Variants in ASAP1 observed in about 807,000 individuals in gnomAD.
ASAP1 encodes the protein arf-GAP with SH3 domain, ANK repeat and PH domain-containing protein 1.
In ASAP1, 43 loss-of-function variants were observed where a neutral mutation model predicts 145.2. That is an observed-to-expected ratio of 0.30 (90% CI 0.23 to 0.38). The LOEUF (loss-of-function observed/expected upper bound fraction) is 0.38. Among genes scored for constraint, ASAP1 ranks in the 10% least tolerant of loss-of-function variants. ASAP1 has a pLI of 1.00. For synonymous variants in ASAP1, 546 were observed against 515.5 expected, an observed-to-expected ratio of 1.06 and a Z score of -0.80; for missense variants, 1,018 against 1,355.3, an observed-to-expected ratio of 0.75 and a Z score of 3.91.
At chr8:130,206,454 T>TAA (rs1036084390) in intron 5 of ASAP1, among the ~76,000 whole-genome samples, 103 of 141,366 alleles carry the variant, frequency 7.3e-4, no homozygotes, top group African/African-American at 2.7e-3. Flanking sequence ...AGAAGAAAAA[T>TAA]AAAAAAAAAA....
intron 3 of ASAP1, among the ~76,000 whole-genome samples, chr8:130,302,324 T>C (rs1431522705): frequency 6.6e-6 from 1 of 152,212 alleles, no homozygotes; most frequent in Non-Finnish European, 1.5e-5. Flanking sequence ...AGTATGTCTA[T>C]GGTGTGTACT....
chr8:130,146,583 A>C (rs2097631213), intron 13 of ASAP1, among the ~76,000 whole-genome samples: 1 of 152,262 alleles, frequency 6.6e-6, no homozygotes, highest in Admixed American at 6.5e-5. Context: ...TCCGAAGGCC[A>C]GTAACAGAAA....
chr8:130,119,879 G>A (rs1350223853), intron 18 of ASAP1, among the ~76,000 whole-genome samples: 1 of 151,962 alleles, frequency 6.6e-6, no homozygotes, highest in Non-Finnish European at 1.5e-5. Flanking sequence ...CCTAAGAAGT[G>A]TTTTCTTCCT....
intron 7 of ASAP1, among the ~76,000 whole-genome samples, chr8:130,184,760 ATTC>A (rs1224386689): frequency 6.6e-6 from 1 of 152,242 alleles, no homozygotes; most frequent in East Asian, 1.9e-4. Context: ...ATGAAATTTG[ATTC>A]TTAAAGAGAA....
intron 3 of ASAP1, among the ~76,000 whole-genome samples, chr8:130,313,555 A>G (rs1377454972): frequency 6.6e-6 from 1 of 152,208 alleles, no homozygotes; most frequent in Non-Finnish European, 1.5e-5. Flanking sequence ...TTACAGTTAT[A>G]TTGCCCAACT....
chr8:130,418,945 C>A (rs1172686599), intron 1 of ASAP1, among the ~76,000 whole-genome samples: 1 of 152,048 alleles, frequency 6.6e-6, no homozygotes, highest in Non-Finnish European at 1.5e-5. Flanking sequence ...CGACATGGGC[C>A]ACAGGAATGA....
At chr8:130,099,013 T>A (rs886238428) in intron 24 of ASAP1, among the ~76,000 whole-genome samples, 819 of 35,232 alleles carry the variant, frequency 0.023, 7 homozygotes, top group African/African-American at 0.055. Flanking sequence ...TAATATAAGC[T>A]TTTTTTTTTT....
chr8:130,326,600 T>A (rs1304188566), intron 3 of ASAP1, among the ~76,000 whole-genome samples: 2 of 152,172 alleles, frequency 1.3e-5, no homozygotes, highest in Admixed American at 6.5e-5. Flanking sequence ...TCCACGCTAG[T>A]CAAAGAATAT....
At chr8:130,122,238 G>T (rs1443403232) in intron 18 of ASAP1, among the ~76,000 whole-genome samples, 2 of 152,056 alleles carry the variant, frequency 1.3e-5, no homozygotes, top group Non-Finnish European at 2.9e-5. Context: ...TTAATTCCCT[G>T]TGTTTTCATC....
intron 5 of ASAP1, among the ~76,000 whole-genome samples, chr8:130,205,403 A>AAAAC (rs1816149695): frequency 6.6e-6 from 1 of 151,552 alleles, no homozygotes; most frequent in African/African-American, 2.4e-5. Flanking sequence ...AAAAAAAACA[A>AAAAC]AAACCATATT....
chr8:130,262,434 G>A (rs1161256537), intron 3 of ASAP1, among the ~76,000 whole-genome samples: 64 of 137,512 alleles, frequency 4.7e-4, no homozygotes, highest in African/African-American at 1.5e-3. Context: ...GAGAGAGAGA[G>A]AGAGAGAGAG....
chr8:130,158,047 G>C (rs1157923664), intron 12 of ASAP1, among the ~76,000 whole-genome samples: 2 of 152,162 alleles, frequency 1.3e-5, no homozygotes, highest in Non-Finnish European at 2.9e-5. Context: ...TTTGTTGAAT[G>C]CATGAGTAGA....
chr8:130,221,719 A>T (rs552858115), intron 4 of ASAP1, among the ~76,000 whole-genome samples: 93 of 152,262 alleles, frequency 6.1e-4, no homozygotes, highest in Middle Eastern at 3.4e-3. Flanking sequence ...TAATTTGCAG[A>T]TGTCAGCCAC....
intron 4 of ASAP1, among the ~76,000 whole-genome samples, chr8:130,223,994 C>T (rs1817446331): frequency 6.6e-6 from 1 of 152,160 alleles, no homozygotes; most frequent in South Asian, 2.1e-4. Context: ...AGGATTCACC[C>T]TGACTCTTTC....
intron 1 of ASAP1, among the ~76,000 whole-genome samples, chr8:130,423,537 T>C (rs553259240): frequency 5.3e-5 from 8 of 152,232 alleles, no homozygotes; most frequent in African/African-American, 1.9e-4. Context: ...ACAACCTAAA[T>C]GTCCATTAAA....
chr8:130,424,580 G>A (rs886885703), intron 1 of ASAP1, among the ~76,000 whole-genome samples: 1 of 152,094 alleles, frequency 6.6e-6, no homozygotes, highest in Non-Finnish European at 1.5e-5. Context: ...GATACTGGCT[G>A]GAAACACTGC....
chr8:130,216,472 T>C (rs1470779596), intron 4 of ASAP1, among the ~76,000 whole-genome samples: 1 of 152,192 alleles, frequency 6.6e-6, no homozygotes, highest in Non-Finnish European at 1.5e-5. Flanking sequence ...GCATAAACAA[T>C]AACCCCCACT....
At chr8:130,106,568 T>G (rs1402107862) in intron 24 of ASAP1, among the ~76,000 whole-genome samples, 1 of 152,264 alleles carries the variant, frequency 6.6e-6, no homozygotes, top group Non-Finnish European at 1.5e-5. Flanking sequence ...ATCACACCTG[T>G]GGACATCTGG....
At chr8:130,085,738 GAAA>G (rs10690482) in intron 25 of ASAP1, among the ~76,000 whole-genome samples, 1 of 125,408 alleles carries the variant, frequency 8.0e-6, no homozygotes, top group Admixed American at 8.7e-5. Flanking sequence ...TTGTCTTTAA[GAAA>G]AAAAAAAAAA....
Sources: gnomAD v4.1 joint callset for allele counts (sites outside exome capture counted in the v4.1 genomes callset) on GRCh38, gnomAD v4.1.1 for gene constraint, MANE v1.5 for transcripts, NCBI Gene and HGNC (gene_info 2026-07-23, HGNC 2026-07-21) for gene names.